The following RMI2 variants were observed in gnomAD, a reference collection of about 807,000 sequenced individuals.
The protein encoded by RMI2 is recQ-mediated genome instability protein 2.
Under a neutral mutation model 8.4 loss-of-function variants are expected in RMI2, and 11 were observed. The ratio of observed to expected loss-of-function variants is 1.32; its 90% confidence interval spans 0.83 to 2.18. The LOEUF (loss-of-function observed/expected upper bound fraction) is 2.18. RMI2 is among the 30% of genes most tolerant of loss of function. The pLI is 0.00. For missense variants in RMI2, 253 were observed against 207.5 expected (o/e 1.22, Z -1.35); for synonymous variants, 105 against 93.8 (o/e 1.12, Z -0.69).
In RMI2 at chr16:11,351,001, G is replaced by C. The variant is rs925349106; in HGVS notation, c.*211G>C. ...GCCTCTGCTGCCCCTTGCTTTGCCT[G>C]TGTTTGCTGATGAAAAGCAGATGCT... On this transcript the variant is annotated 3_prime_UTR_variant, in exon 2 of 2. Transcript: ENST00000312499. 2.9e-5 allele frequency: 12 copies of C among 408,218 alleles called. No homozygotes were observed. The highest frequency in any genetic ancestry group is 2.5e-4 in the African/African-American group (12 of 48,446). The allele number at this position is 408,218 out of a possible 1,614,324, so 25.3% of individuals were successfully genotyped here. A position where few individuals can be genotyped will look rare whatever the true frequency, so the allele number is the denominator to read the frequency against.
Position 11,349,408 on chromosome 16 carries a change from TC to T in RMI2, c.296-1233del, listed in dbSNP as rs953859425. 1.3e-4 allele frequency: 20 copies of T among 152,424 alleles called. No homozygotes were observed. Among genetic ancestry groups the T allele is most frequent in the African/African-American group, 4.3e-4 (18 of 41,516 alleles). 9.4% of individuals were successfully genotyped at this position (152,424 alleles called of 1,614,324 possible). A position where few individuals can be genotyped will look rare whatever the true frequency, so the allele number is the denominator to read the frequency against. On this transcript the variant is annotated intron_variant, in intron 1 of 1. Coordinates refer to ENST00000312499, the MANE Select transcript of RMI2 (RefSeq NM_152308.3). The surrounding 1 kb of genome is among the most constrained non-coding windows in gnomAD (Gnocchi z 4.2). ...GAACCTACAAGGTCAATTTGTCCCA[TC>T]GCGTGCCTTCGAGTTCATCCGGCTG...
chr16:11,351,636 G>A lies in RMI2; in HGVS notation c.*846G>A. 4.3e-6 allele frequency: 1 copy of A among 231,108 alleles called. No homozygotes were observed. The highest frequency in any genetic ancestry group is 8.6e-6 in the Non-Finnish European group (1 of 116,714). The allele number at this position is 231,108 out of a possible 1,614,324, so 14.3% of individuals were successfully genotyped here. A position where few individuals can be genotyped will look rare whatever the true frequency, so the allele number is the denominator to read the frequency against. ...TTTGAATGTTGGGTTTCTGCTGTCT[G>A]CTTAGTACCCATGCCTGAATTTTTT... On this transcript the variant is annotated 3_prime_UTR_variant, in exon 2 of 2. Coordinates refer to ENST00000312499, the MANE Select transcript of RMI2 (RefSeq NM_152308.3).
At chr16:11,347,496 T>TTG (rs1203284172) in intron 1 of RMI2, among the ~76,000 whole-genome samples, 10 of 152,242 alleles carry the variant, frequency 6.6e-5, no homozygotes, top group East Asian at 5.8e-4. Context: ...TTTTCTGGAC[T>TTG]TGTACTATTT....
At chr16:11,348,671 A>C (rs1019269138) in intron 1 of RMI2, 2 of 152,262 alleles carry the variant, frequency 1.3e-5, no homozygotes, top group East Asian at 3.8e-4. Flanking sequence ...TTGAGGGCTC[A>C]GGGAAGGCTT....
chr16:11,348,339 G>C (rs7189044), intron 1 of RMI2: 39,925 of 152,184 alleles, frequency 0.26, 5,768 homozygotes, highest in African/African-American at 0.37. Context: ...CATGCTGCTT[G>C]GTGTGTTGGT....
intron 1 of RMI2, chr16:11,348,344 G>A (rs1183234265): frequency 1.3e-5 from 2 of 152,266 alleles, no homozygotes; most frequent in Admixed American, 6.5e-5. Context: ...TGCTTGGTGT[G>A]TTGGTTTGCA....
intron 1 of RMI2, chr16:11,348,735 C>G (rs970024720): frequency 6.6e-6 from 1 of 152,316 alleles, no homozygotes; most frequent in African/African-American, 2.4e-5. Context: ...AGGACCAACC[C>G]TCCTGGGTTG....
At chr16:11,347,790 A>C (rs927666240) in intron 1 of RMI2, among the ~76,000 whole-genome samples, 2 of 152,064 alleles carry the variant, frequency 1.3e-5, no homozygotes, top group African/African-American at 4.8e-5. Context: ...TATTACTATT[A>C]TTATTTTTGA....
chr16:11,345,517 C>T lies in RMI2; in HGVS notation c.46C>T (p.Arg16Trp), dbSNP rs1200100060. 10 of 1,299,054 alleles carry T rather than the reference C, an allele frequency of 7.7e-6. No individual in the cohort carries two copies. Among genetic ancestry groups the T allele is most frequent in the Admixed American group, 3.3e-5 (1 of 30,680 alleles). The allele number at this position is 1,299,054 out of a possible 1,614,324, so 80.5% of individuals were successfully genotyped here. Residue 16 changes from arginine to tryptophan, a missense_variant, in exon 1 of 2, where the codon CGG becomes TGG. Coordinates refer to ENST00000312499, the MANE Select transcript of RMI2 (RefSeq NM_152308.3). ...GTTCTCAGGCGGCCCCGCGGGGGTGCGGCTTCCGAGGTCGCCGCCACTCAA... is the reference window on the plus strand; with the variant it reads ...GTTCTCAGGCGGCCCCGCGGGGGTGTGGCTTCCGAGGTCGCCGCCACTCAA... ...DSFSGGPAGV[R>W]LPRSPPLKVL...
intron 1 of RMI2, among the ~76,000 whole-genome samples, chr16:11,346,765 A>C (rs2070878315): frequency 1.3e-5 from 2 of 151,816 alleles, no homozygotes; most frequent in African/African-American, 2.4e-5. Context: ...CGACTTTTTA[A>C]ATGTTTTATT....
At position 11,350,719 on chromosome 16, in the gene RMI2, C is replaced by G. The variant is rs763433717; in HGVS notation, c.373C>G (p.Leu125Val). ...PCLQAVKMTD[L>V]SDNPIHESMW... ...CCTGCAGGCTGTGAAGATGACAGAC[C>G]TTTCTGATAATCCCATCCATGAAAG... The change falls in exon 2 of 2, where the codon CTT (leucine) becomes GTT (valine). Residue 125 changes from leucine (L) to valine (V), a missense_variant. Physicochemically the swap from Leu to Val is conservative, Grantham distance 32. Transcript: ENST00000312499. 6.2e-7 allele frequency: 1 copy of G among 1,613,302 alleles called. No homozygotes were observed. The highest frequency in any genetic ancestry group is 1.1e-5 in the South Asian group (1 of 91,034).
At chr16:11,346,494 C>A (rs950545766) in intron 1 of RMI2, among the ~76,000 whole-genome samples, 23 of 152,166 alleles carry the variant, frequency 1.5e-4, no homozygotes, top group Non-Finnish European at 3.1e-4. Context: ...CTCCTGGCCT[C>A]AAGTGATCTG....
rs2032932 is a variant in RMI2 at position 11,350,859 on chromosome 16, A to G, written c.*69A>G. On this transcript the variant is annotated 3_prime_UTR_variant, in exon 2 of 2. Transcript: ENST00000312499. ...TATTTAGAAGCTTATAATGATGTGGATTTCATGGACACTTTTCAATGCGTA... is the reference window on the plus strand; with the variant it reads ...TATTTAGAAGCTTATAATGATGTGGGTTTCATGGACACTTTTCAATGCGTA... 234,137 of 1,345,002 alleles carry G rather than the reference A, an allele frequency of 0.17. 33,184 individuals carry two copies. The highest frequency in any genetic ancestry group is 0.68 in the East Asian group (27,563 of 40,480). The allele number at this position is 1,345,002 out of a possible 1,614,324, so 83.3% of individuals were successfully genotyped here.
chr16:11,347,384 G>C (rs2070890964), intron 1 of RMI2, among the ~76,000 whole-genome samples: 1 of 152,208 alleles, frequency 6.6e-6, no homozygotes, highest in Non-Finnish European at 1.5e-5. Context: ...GAGGCAGATA[G>C]GGCTGTGGTC....
Position 11,347,188 on chromosome 16 carries a change from TG to T in RMI2, c.295+1426del, listed in dbSNP as rs2070887494. Among the ~76,000 whole-genome samples, 4 of 152,296 alleles carry T rather than the reference TG, an allele frequency of 2.6e-5. 1 individual carries two copies. Among genetic ancestry groups the T allele is most frequent in the Non-Finnish European group, 2.9e-5 (2 of 68,006 alleles). ...AGTGTCGCAGAGGATCGCTGATCTT[TG>T]GGGAGCCATGAGGATGTGCAAGGTG... On this transcript the variant is annotated intron_variant, in intron 1 of 1. Transcript: ENST00000312499.
At position 11,351,349 on chromosome 16, in the gene RMI2, TC is replaced by T. The variant is rs1180609639; in HGVS notation, c.*562del. The T allele has an allele frequency of 8.6e-6, 2 of 232,592 alleles. No individual in the cohort carries two copies. Among genetic ancestry groups the T allele is most frequent in the Non-Finnish European group, 1.7e-5 (2 of 117,770 alleles). 14.4% of individuals were successfully genotyped at this position (232,592 alleles called of 1,614,324 possible). On this transcript the variant is annotated 3_prime_UTR_variant, in exon 2 of 2. Transcript: ENST00000312499. ...ATGGCGGCCCCTGAAAGACAACAGC[TC>T]CCTTTCTGCTTCGGACACCACTCAA...
At chr16:11,346,688 C>T (rs1385131323) in intron 1 of RMI2, among the ~76,000 whole-genome samples, 2 of 152,200 alleles carry the variant, frequency 1.3e-5, no homozygotes, top group African/African-American at 4.8e-5. Context: ...CCAGGTGGGG[C>T]TGGAAATTTG....
rs1257033387 is a variant in RMI2, at chr16:11,351,439, A to G, written c.*649A>G. On this transcript the variant is annotated 3_prime_UTR_variant, in exon 2 of 2. Coordinates refer to ENST00000312499, the MANE Select transcript of RMI2 (RefSeq NM_152308.3). ...AAGGTGATGCCTTCTTCCATTACTC[A>G]GAGATGTTGAGACGTTTTCAGAATT... The G allele has an allele frequency of 4.3e-6, 1 of 232,098 alleles. No homozygotes were observed. The highest frequency in any genetic ancestry group is 8.5e-6 in the Non-Finnish European group (1 of 117,328). 14.4% of individuals were successfully genotyped at this position (232,098 alleles called of 1,614,324 possible). A position where few individuals can be genotyped will look rare whatever the true frequency, so the allele number is the denominator to read the frequency against.
At chr16:11,346,931 A>G (rs1352992899) in intron 1 of RMI2, among the ~76,000 whole-genome samples, 1 of 152,190 alleles carries the variant, frequency 6.6e-6, no homozygotes, top group African/African-American at 2.4e-5. Context: ...AGCCCAAGCT[A>G]CTGGAGGGCC....
Sources: gnomAD v4.1 joint callset for allele counts (sites outside exome capture counted in the v4.1 genomes callset) on GRCh38, gnomAD v4.1.1 for gene constraint, Gnocchi (gnomAD v3.1) non-coding constraint, MANE v1.5 for transcripts, NCBI Gene and HGNC (gene_info 2026-07-23, HGNC 2026-07-21) for gene names.